KLF12: variants seen among roughly 807,000 people sequenced by gnomAD.
KLF12 encodes KLF transcription factor 12.
A neutral mutation model predicts 37.8 loss-of-function variants in KLF12; 9 were observed. The ratio of observed to expected loss-of-function variants is 0.24; its 90% CI spans 0.14 to 0.42. The LOEUF (loss-of-function observed/expected upper bound fraction) is 0.42, where lower values mean the gene tolerates loss of function less well. KLF12 is among the 10% of genes least tolerant of loss of function. KLF12 has a pLI of 1.00. For missense variants in KLF12, 411 were observed against 516.0 expected, an observed-to-expected ratio of 0.80 and a Z score of 1.97; for synonymous variants, 208 against 202.1, an observed-to-expected ratio of 1.03 and a Z score of -0.25.
intron 7 of KLF12, among the ~76,000 whole-genome samples, chr13:73,697,028 A>G (rs746928705): frequency 3.3e-5 from 5 of 151,978 alleles, no homozygotes; most frequent in Admixed American, 6.6e-5. Context: ...CTACTATTTC[A>G]GTGTCACTGG....
At chr13:74,051,500 C>G (rs952193873) in intron 1 of KLF12, among the ~76,000 whole-genome samples, 4 of 152,008 alleles carry the variant, frequency 2.6e-5, no homozygotes, top group Non-Finnish European at 5.9e-5. Flanking sequence ...AAGAGTAGAA[C>G]TGGGGAATGA....
chr13:73,912,523 A>G lies in KLF12; in HGVS notation c.123+31458T>C, dbSNP rs566574637. On this transcript the variant is annotated intron_variant, in intron 3 of 7. Coordinates refer to ENST00000377669, the MANE Select transcript of KLF12 (RefSeq NM_007249.5). Reference sequence around the variant, plus strand: ...GAGACACACAAGGAGAAGCAGAGACAGAGATTGGAGTGACACATCTACAAA... The same window carrying G: ...GAGACACACAAGGAGAAGCAGAGACGGAGATTGGAGTGACACATCTACAAA... Among the ~76,000 whole-genome samples the G allele has an allele frequency of 2.0e-5, 3 of 152,288 alleles. No individual in the cohort carries two copies. The South Asian group carries it at 6.2e-4, about 32-fold the overall frequency.
the KLF12 span, among the ~76,000 whole-genome samples, chr13:74,275,750 C>T: frequency 6.6e-6 from 1 of 151,074 alleles, no homozygotes; most frequent in Non-Finnish European, 1.5e-5. Flanking sequence ...TGCAATCAGA[C>T]TATAGGTGCA....
intron 2 of KLF12, among the ~76,000 whole-genome samples, chr13:73,972,196 G>C (rs1023241499): frequency 6.6e-6 from 1 of 152,100 alleles, no homozygotes; most frequent in African/African-American, 2.4e-5. Flanking sequence ...AACCACAGAC[G>C]AAGAATTTAA....
chr13:74,036,370 A>G (rs1285568433), intron 1 of KLF12, among the ~76,000 whole-genome samples: 1 of 152,162 alleles, frequency 6.6e-6, no homozygotes, highest in Non-Finnish European at 1.5e-5. Context: ...TGGAACAGGG[A>G]GGCTATGTAC....
At chr13:73,868,726 C>T (rs897765014) in intron 3 of KLF12, among the ~76,000 whole-genome samples, 3 of 152,036 alleles carry the variant, frequency 2.0e-5, no homozygotes, top group South Asian at 2.1e-4. Context: ...AGGTTTATTC[C>T]GATAAATTTT....
At chr13:73,730,393 T>A (rs549917332) in intron 6 of KLF12, among the ~76,000 whole-genome samples, 67 of 152,308 alleles carry the variant, frequency 4.4e-4, no homozygotes, top group South Asian at 8.3e-4. Flanking sequence ...TCCAGGTCCC[T>A]GGCTAGGAAG....
chr13:74,025,369 T>A (rs1201451966), intron 1 of KLF12, among the ~76,000 whole-genome samples: 2 of 151,928 alleles, frequency 1.3e-5, no homozygotes, highest in Non-Finnish European at 2.9e-5. Flanking sequence ...TATGCAAATG[T>A]CATTGCTTCC....
chr13:73,950,018 T>C (rs1890585318), intron 2 of KLF12, among the ~76,000 whole-genome samples: 1 of 152,166 alleles, frequency 6.6e-6, no homozygotes, highest in Admixed American at 6.5e-5. Context: ...AAAAACAGAA[T>C]CCTTCCATTA....
At chr13:74,273,984 TTAAAAA>T in the KLF12 span, among the ~76,000 whole-genome samples, 2 of 152,140 alleles carry the variant, frequency 1.3e-5, no homozygotes, top group Non-Finnish European at 2.9e-5. Flanking sequence ...CATAGTGTAA[TTAAAAA>T]TAGAAGACTG....
At chr13:73,826,354 T>C (rs896069205) in intron 4 of KLF12, among the ~76,000 whole-genome samples, 6 of 152,188 alleles carry the variant, frequency 3.9e-5, no homozygotes, top group Non-Finnish European at 7.4e-5. Context: ...GTTTCTCACA[T>C]CCAACTATTC....
chr13:73,980,382 A>G (rs984066941), intron 2 of KLF12, among the ~76,000 whole-genome samples: 13 of 152,230 alleles, frequency 8.5e-5, no homozygotes, highest in Non-Finnish European at 2.9e-5. Flanking sequence ...AAACCCAGTC[A>G]GAATATTTTT....
chr13:74,065,091 C>T (rs933276849), intron 1 of KLF12, among the ~76,000 whole-genome samples: 1 of 152,062 alleles, frequency 6.6e-6, no homozygotes, highest in African/African-American at 2.4e-5. Flanking sequence ...ACTCCCATAT[C>T]CTGATTCATA....
chr13:73,820,089 T>C (rs1336923233), intron 4 of KLF12, among the ~76,000 whole-genome samples: 1 of 152,136 alleles, frequency 6.6e-6, no homozygotes, highest in Non-Finnish European at 1.5e-5. Flanking sequence ...TGGAGGGTAC[T>C]GAGCAGAAGG....
intron 4 of KLF12, among the ~76,000 whole-genome samples, chr13:73,823,250 G>A (rs1016555138): frequency 9.9e-5 from 15 of 151,542 alleles, no homozygotes; most frequent in Admixed American, 3.9e-4. Context: ...CTAGTCTTAG[G>A]TACTTTAAAT....
intron 3 of KLF12, among the ~76,000 whole-genome samples, chr13:73,907,469 C>G (rs1209527626): frequency 1.3e-5 from 2 of 152,180 alleles, no homozygotes; most frequent in Non-Finnish European, 2.9e-5. Context: ...CTTCATGTAA[C>G]TTTCCTAATT....
At chr13:74,215,733 G>A in the KLF12 span, among the ~76,000 whole-genome samples, 2 of 152,162 alleles carry the variant, frequency 1.3e-5, no homozygotes, top group Non-Finnish European at 1.5e-5. Context: ...ACAAACAAAA[G>A]TATTCCTCCT....
At chr13:74,111,413 T>C (rs1422494824) in intron 1 of KLF12, among the ~76,000 whole-genome samples, 1 of 152,146 alleles carries the variant, frequency 6.6e-6, no homozygotes, top group Admixed American at 6.5e-5. Flanking sequence ...ACATCAAAAA[T>C]GAATCACCTT....
At chr13:73,895,000 T>C (rs1047685751) in intron 3 of KLF12, among the ~76,000 whole-genome samples, 4 of 152,220 alleles carry the variant, frequency 2.6e-5, no homozygotes, top group Admixed American at 2.0e-4. Flanking sequence ...TTGGCTTATG[T>C]GGAAAATGTC....
Sources: gnomAD v4.1 joint callset for allele counts (sites outside exome capture counted in the v4.1 genomes callset) on GRCh38, gnomAD v4.1.1 for gene constraint, MANE v1.5 for transcripts, NCBI Gene and HGNC (gene_info 2026-07-23, HGNC 2026-07-21) for gene names.